The following STARD9 variants were observed in gnomAD, a reference collection of about 807,000 sequenced individuals.
STARD9 encodes the protein StAR related lipid transfer domain containing 9, also known as stAR-related lipid transfer protein 9.
A neutral mutation model predicts 399.8 loss-of-function variants in STARD9; 346 were observed. The ratio of observed to expected loss-of-function variants is 0.87; its 90% CI spans 0.79 to 0.95. The LOEUF is 0.95. Ranked by LOEUF, STARD9 falls within the 40% of genes least tolerant of loss-of-function variation. STARD9 has a pLI of 0.00. For synonymous variants in STARD9, 2,203 were observed against 2,143.5 expected, an observed-to-expected ratio of 1.03 and a Z score of -0.77; for missense variants, 5,832 against 5,667.5, an observed-to-expected ratio of 1.03 and a Z score of -0.93.
At position 42,684,916 on chromosome 15, in the gene STARD9, CAT is replaced by C; in HGVS notation, c.3339_3340del (p.Val1115LeufsTer25). 2 of 1,537,060 alleles carry C rather than the reference CAT, an allele frequency of 1.3e-6. No individual in the cohort carries two copies. Among genetic ancestry groups the C allele is most frequent in the Non-Finnish European group, 1.7e-6 (2 of 1,146,916 alleles). ...AGCAACTACTCATTGGATTCTCTCT[CAT>C]GTGTCTATGCCAAAGCCCTGATAGA... On this transcript the variant is annotated frameshift_variant, in exon 23 of 33. Coordinates refer to ENST00000290607, the MANE Select transcript of STARD9 (RefSeq NM_020759.3). LOFTEE classifies it high-confidence loss of function.
intron 3 of STARD9, among the ~76,000 whole-genome samples, chr15:42,617,665 A>G: frequency 6.6e-6 from 1 of 152,350 alleles, no homozygotes; most frequent in Non-Finnish European, 1.5e-5. Flanking sequence ...AAAGGAATCT[A>G]AACAATTTTG....
At position 42,690,007 on chromosome 15, in the gene STARD9, C is replaced by T. The variant is rs886769847; in HGVS notation, c.8429C>T (p.Ala2810Val). Residue 2810 changes from alanine (A) to valine (V), a missense_variant, in exon 23 of 33, where the codon GCC becomes GTC. By Grantham distance (64) the Ala-to-Val change is moderately conservative (BLOSUM62 0). This residue lies in a region of STARD9 where 5,828 missense variants were observed against 5,651.1 expected (regional missense o/e 1.03). Transcript: ENST00000290607. ...GTGACTGCACAGGGAGAAAAAACAG[C>T]CCATTTTGAAAGTCAGTCTGTGACC... Reference protein sequence around the residue: ...LLVTAQGEKTAHFESQSVTCD... With the variant: ...LLVTAQGEKTVHFESQSVTCD... 5 of 1,537,302 alleles carry T rather than the reference C, an allele frequency of 3.3e-6. No individual in the cohort carries two copies. In the Admixed American group the frequency reaches 7.8e-5, roughly 24 times the overall value.
Position 42,638,061 on chromosome 15 carries a change from G to C in STARD9, c.420G>C (p.Leu140=). ...LFVREKDCAS[L]PSSCRIKVSF... The stretch of plus-strand genomic sequence containing the variant: ...TCAGGGAGAAAGACTGTGCCTCACT[G>C]CCTTCCTCCTGTAGGATAAAAGTAA... Residue 140 remains leucine (L), a synonymous_variant, in exon 6 of 33, where the codon CTG becomes CTC. Coordinates refer to ENST00000290607, the MANE Select transcript of STARD9 (RefSeq NM_020759.3). The C allele has an allele frequency of 2.0e-6, 3 of 1,537,270 alleles. No homozygotes were observed. The highest frequency in any genetic ancestry group is 2.6e-6 in the Non-Finnish European group (3 of 1,146,918).
chr15:42,580,720 G>A (rs2058150273), intron 1 of STARD9, among the ~76,000 whole-genome samples: 2 of 152,166 alleles, frequency 1.3e-5, no homozygotes, highest in Admixed American at 1.3e-4. Context: ...GCTGAGGCAG[G>A]AGAATCGCTT....
rs1377538272 is a variant in STARD9 at position 42,689,359 on chromosome 15, C to T, written c.7781C>T (p.Pro2594Leu). 2 of 1,537,172 alleles carry T rather than the reference C, an allele frequency of 1.3e-6. No individual in the cohort carries two copies. The highest frequency in any genetic ancestry group is 3.9e-5 in the Admixed American group (2 of 50,986). ...PECSSRVAGR[P>L]QCKQIDQSSS... ...TGTTCTTCAAGGGTTGCTGGCAGGC[C>T]TCAGTGTAAACAAATAGACCAGTCA... Residue 2594 changes from proline (P) to leucine (L), a missense_variant, in exon 23 of 33, where the codon CCT (proline) becomes CTT (leucine). This residue lies in a region of STARD9 where 5,828 missense variants were observed against 5,651.1 expected (regional missense o/e 1.03). Coordinates refer to ENST00000290607, the MANE Select transcript of STARD9 (RefSeq NM_020759.3).
chr15:42,611,776 G>A (rs908050735), intron 3 of STARD9, among the ~76,000 whole-genome samples: 1 of 152,096 alleles, frequency 6.6e-6, no homozygotes, highest in African/African-American at 2.4e-5. Context: ...CTCACATTGT[G>A]GGTCATTAAG....
In STARD9 at chr15:42,663,397, C is replaced by T. The variant is rs1033815493; in HGVS notation, c.985C>T (p.Arg329Ter). 2.3e-5 allele frequency: 35 copies of T among 1,537,140 alleles called. No individual in the cohort carries two copies. Among genetic ancestry groups the T allele is most frequent in the Admixed American group, 5.9e-5 (3 of 50,978 alleles). ...SGTSSGGAPS[R>*]RQSYIPYRDS... ...GACCAGCAGTGGAGGGGCACCCTCC[C>T]GAAGGCAGTCTTATATCCCATACCG... is the stretch of plus-strand genomic sequence containing the variant. Residue 329 changes from arginine (R) to a stop codon, truncating the protein, a stop_gained, in exon 12 of 33, where the codon CGA (arginine) becomes TGA (stop). Transcript: ENST00000290607. LOFTEE classifies it high-confidence loss of function.
At position 42,716,971 on chromosome 15, in the gene STARD9, C is replaced by T. The variant is rs1261213260; in HGVS notation, c.13417C>T (p.Leu4473=). The T allele has an allele frequency of 1.3e-6, 2 of 1,537,240 alleles. No individual in the cohort carries two copies. Among genetic ancestry groups the T allele is most frequent in the East Asian group, 2.4e-5 (1 of 40,914 alleles). ...LGSCCCSPSS[L]SSLGTCFSSS... is the part of the protein sequence containing the mutation. ...CAGTTGCTGCTGTTCACCATCCAGTCTGTCCAGCTTGGGGACCTGCTTTTC... is the reference window on the plus strand; with the variant it reads ...CAGTTGCTGCTGTTCACCATCCAGTTTGTCCAGCTTGGGGACCTGCTTTTC... Residue 4473 remains leucine (L), a synonymous_variant, in exon 28 of 33, where the codon CTG becomes TTG. Coordinates refer to ENST00000290607, the MANE Select transcript of STARD9 (RefSeq NM_020759.3).
chr15:42,604,811 T>C (rs1487109536), intron 3 of STARD9, among the ~76,000 whole-genome samples: 1 of 151,642 alleles, frequency 6.6e-6, no homozygotes, highest in African/African-American at 2.4e-5. Context: ...ACCTGGCTAA[T>C]TTTTTATTTT....
chr15:42,618,734 C>T (rs898568342), intron 3 of STARD9, among the ~76,000 whole-genome samples: 4 of 151,830 alleles, frequency 2.6e-5, no homozygotes, highest in Non-Finnish European at 5.9e-5. Context: ...GTAGCTGGGA[C>T]TACAGGAGTG....
chr15:42,671,118 G>C (rs1008434889), intron 16 of STARD9: 1 of 145,842 alleles, frequency 6.9e-6, no homozygotes, highest in African/African-American at 2.6e-5. Flanking sequence ...CTGAAGATAG[G>C]ATTGCTGATT....
intron 3 of STARD9, among the ~76,000 whole-genome samples, chr15:42,628,135 G>A (rs1017174567): frequency 6.6e-6 from 1 of 152,016 alleles, no homozygotes; most frequent in Non-Finnish European, 1.5e-5. Context: ...TTTCTCCTGG[G>A]GTGAGATGAT....
intron 3 of STARD9, among the ~76,000 whole-genome samples, chr15:42,612,253 C>T (rs1204387618): frequency 6.6e-6 from 1 of 152,196 alleles, no homozygotes; most frequent in Non-Finnish European, 1.5e-5. Flanking sequence ...GGTGGCATTA[C>T]AGGCCGGAGC....
chr15:42,605,690 C>T (rs1047863978), intron 3 of STARD9, among the ~76,000 whole-genome samples: 3 of 152,168 alleles, frequency 2.0e-5, no homozygotes, highest in South Asian at 2.1e-4. Context: ...GATACAGCTG[C>T]GTTCTGGGGA....
intron 9 of STARD9, among the ~76,000 whole-genome samples, chr15:42,660,373 T>G (rs1443274824): frequency 6.6e-6 from 1 of 151,976 alleles, no homozygotes; most frequent in Admixed American, 6.6e-5. Context: ...AAGACCAGCC[T>G]GGCCAACATG....
At chr15:42,599,033 C>T (rs1285470692) in intron 3 of STARD9, among the ~76,000 whole-genome samples, 1 of 152,160 alleles carries the variant, frequency 6.6e-6, no homozygotes, top group Non-Finnish European at 1.5e-5. Context: ...AAATGATTCT[C>T]CTGCCTCAGC....
At chr15:42,598,590 A>G (rs1197544713) in intron 3 of STARD9, among the ~76,000 whole-genome samples, 1 of 152,082 alleles carries the variant, frequency 6.6e-6, no homozygotes, top group East Asian at 1.9e-4. Context: ...CTATTAGTTC[A>G]TCTATTTTTT....
chr15:42,653,163 C>T (rs1056002588), intron 9 of STARD9, among the ~76,000 whole-genome samples: 1 of 152,068 alleles, frequency 6.6e-6, no homozygotes, highest in African/African-American at 2.4e-5. Flanking sequence ...GCTTTCACAT[C>T]GGTGTGATCA....
At chr15:42,716,593 A>G (rs2061355218) in intron 26 of STARD9, 84 bp from the exon 27 acceptor site, 1 of 849,116 alleles carries the variant, frequency 1.2e-6, no homozygotes, top group Non-Finnish European at 1.9e-6. Context: ...ATCCCACTGG[A>G]AGCTGTGAGA....
Sources: gnomAD v4.1 joint callset for allele counts (sites outside exome capture counted in the v4.1 genomes callset) on GRCh38, gnomAD v4.1.1 for gene constraint, gnomAD v4.1.1 regional missense constraint, MANE v1.5 for transcripts, NCBI Gene and HGNC (gene_info 2026-07-23, HGNC 2026-07-21) for gene names.